Variants in OSBPL9 observed in about 807,000 individuals in gnomAD.
The protein encoded by OSBPL9 is oxysterol binding protein like 9.
A neutral mutation model predicts 106.6 loss-of-function variants in OSBPL9; 40 were observed. That is an observed-to-expected ratio of 0.38 (90% CI 0.29 to 0.49). The LOEUF (loss-of-function observed/expected upper bound fraction) is 0.49. Among genes scored for constraint, OSBPL9 ranks in the 20% least tolerant of loss-of-function variants. OSBPL9 has a pLI of 0.97. For missense variants in OSBPL9, 609 were observed against 887.2 expected (o/e 0.69, Z 3.98); for synonymous variants, 269 against 295.4 (o/e 0.91, Z 0.92).
intron 2 of OSBPL9, among the ~76,000 whole-genome samples, chr1:51,606,809 G>A (rs1643951418): frequency 6.6e-6 from 1 of 152,150 alleles, no homozygotes; most frequent in Non-Finnish European, 1.5e-5. Context: ...AGCACTTTGG[G>A]AGGCCAAGGC....
chr1:51,681,397 A>G (rs2148800053), intron 3 of OSBPL9, among the ~76,000 whole-genome samples: 1 of 152,296 alleles, frequency 6.6e-6, no homozygotes, highest in South Asian at 2.1e-4. Context: ...CTTTCCTTCA[A>G]AAATGAACAT....
chr1:51,524,424 G>A, the OSBPL9 span, among the ~76,000 whole-genome samples: 2 of 152,016 alleles, frequency 1.3e-5, no homozygotes, highest in Non-Finnish European at 2.9e-5. Context: ...ACCAAGCCAC[G>A]GTTTCCTCTC....
the OSBPL9 span, among the ~76,000 whole-genome samples, chr1:51,545,862 TAGTATAATTACC>T: frequency 6.6e-6 from 1 of 152,186 alleles, no homozygotes; most frequent in Non-Finnish European, 1.5e-5. Context: ...AAGGCTTGAA[TAGTATAATTACC>T]ATATGTCAAC....
the OSBPL9 span, among the ~76,000 whole-genome samples, chr1:51,521,811 G>T: frequency 2.2e-4 from 33 of 152,140 alleles, no homozygotes; most frequent in Non-Finnish European, 4.0e-4. Flanking sequence ...AGGCTGGAGT[G>T]CAACGGTGCA....
intron 4 of OSBPL9, among the ~76,000 whole-genome samples, chr1:51,743,420 T>C (rs1423399093): frequency 1.3e-5 from 2 of 152,232 alleles, no homozygotes; most frequent in Non-Finnish European, 2.9e-5. Context: ...AAGGTTTAGA[T>C]AGCAGTAATT....
chr1:51,647,442 A>C (rs1646233818), intron 1 of OSBPL9, among the ~76,000 whole-genome samples: 1 of 152,172 alleles, frequency 6.6e-6, no homozygotes, highest in South Asian at 2.1e-4. Flanking sequence ...AAAATTGGAA[A>C]GTGTTCGCTC....
intron 2 of OSBPL9, among the ~76,000 whole-genome samples, chr1:51,653,150 A>G (rs1030946650): frequency 1.3e-5 from 2 of 152,056 alleles, no homozygotes; most frequent in Non-Finnish European, 2.9e-5. Context: ...CAGATGGTAT[A>G]TATGTGATAG....
the OSBPL9 span, among the ~76,000 whole-genome samples, chr1:51,547,349 A>G: frequency 6.6e-6 from 1 of 152,232 alleles, no homozygotes; most frequent in Non-Finnish European, 1.5e-5. Context: ...CAGCAAGATG[A>G]AGGCATTTTA....
the OSBPL9 span, chr1:51,563,564 T>C: frequency 6.6e-6 from 1 of 152,246 alleles, no homozygotes; most frequent in Admixed American, 6.5e-5. Context: ...TTTCATCAAT[T>C]AGCGTTGACA....
chr1:51,519,514 A>G, the OSBPL9 span, among the ~76,000 whole-genome samples: 10 of 152,030 alleles, frequency 6.6e-5, no homozygotes, highest in Middle Eastern at 3.4e-3. Context: ...CGGCGCGGAC[A>G]TAAAATTAAA....
chr1:51,708,078 A>G, intron 3 of OSBPL9: 1 of 222,666 alleles, frequency 4.5e-6, no homozygotes, highest in Non-Finnish European at 9.4e-6. Flanking sequence ...TGCCAGAGTT[A>G]AAAGAAGCCC....
At chr1:51,707,536 G>T in intron 3 of OSBPL9, 1 of 181,574 alleles carries the variant, frequency 5.5e-6, no homozygotes, top group Non-Finnish European at 1.2e-5. Context: ...GTTCTTGAGA[G>T]CCTCATGGTC....
In OSBPL9 at chr1:51,782,650, T is replaced by A. The variant is rs1676659418; in HGVS notation, c.1513+7T>A. On this transcript the variant is annotated splice_region_variant and intron_variant, in intron 17 of 23. Transcript: ENST00000428468. Reference sequence around the variant, plus strand: ...GTTTCCCATCATCCACCCAGTAAGTTACAGAGCTCCTCTGCAACCTGTGCT... The same window carrying A: ...GTTTCCCATCATCCACCCAGTAAGTAACAGAGCTCCTCTGCAACCTGTGCT... The A allele has an allele frequency of 1.2e-6, 2 of 1,613,106 alleles. No homozygotes were observed. Among genetic ancestry groups the A allele is most frequent in the South Asian group, 1.1e-5 (1 of 91,028 alleles).
the OSBPL9 span, among the ~76,000 whole-genome samples, chr1:51,556,827 G>A: frequency 1.3e-5 from 2 of 148,330 alleles, no homozygotes; most frequent in Non-Finnish European, 3.0e-5. Flanking sequence ...ATATATATGT[G>A]TATATATATA....
At chr1:51,697,083 T>C (rs74780560) in intron 3 of OSBPL9, among the ~76,000 whole-genome samples, 1,805 of 151,408 alleles carry the variant, frequency 0.012, 38 homozygotes, top group African/African-American at 0.042. Context: ...TCGCCTGAGC[T>C]GAGGAATTTG....
intron 3 of OSBPL9, among the ~76,000 whole-genome samples, chr1:51,672,494 G>T (rs1407953391): frequency 6.6e-6 from 1 of 151,864 alleles, no homozygotes; most frequent in East Asian, 1.9e-4. Context: ...TCAGTCCCCA[G>T]CCCCAGCCCC....
At chr1:51,762,435 T>G (rs1340063811) in intron 11 of OSBPL9, among the ~76,000 whole-genome samples, 1 of 152,196 alleles carries the variant, frequency 6.6e-6, no homozygotes, top group African/African-American at 2.4e-5. Context: ...TGTGCTGGGA[T>G]TATACAAGCA....
intron 5 of OSBPL9, among the ~76,000 whole-genome samples, chr1:51,745,858 AAAG>A (rs968721394): frequency 2.7e-4 from 40 of 150,162 alleles, no homozygotes; most frequent in African/African-American, 9.6e-4. Context: ...TTAAGAAAAA[AAAG>A]GTAAATATGT....
At chr1:51,635,508 C>G (rs1175797118) in intron 1 of OSBPL9, among the ~76,000 whole-genome samples, 1 of 152,158 alleles carries the variant, frequency 6.6e-6, no homozygotes, top group Non-Finnish European at 1.5e-5. Flanking sequence ...ATAGCTATCT[C>G]AAAATATGCC....
Sources: gnomAD v4.1 joint callset for allele counts (sites outside exome capture counted in the v4.1 genomes callset) on GRCh38, gnomAD v4.1.1 for gene constraint, MANE v1.5 for transcripts, NCBI Gene and HGNC (gene_info 2026-07-23, HGNC 2026-07-21) for gene names.